STAG1: variants seen among roughly 807,000 people sequenced by gnomAD.
The protein encoded by STAG1 is STAG1 cohesin complex component.
Under a neutral mutation model 170.9 loss-of-function variants are expected in STAG1, and 26 were observed. That is an observed-to-expected ratio of 0.15 (90% CI 0.11 to 0.21). The LOEUF (loss-of-function observed/expected upper bound fraction) is 0.21, where lower values mean the gene tolerates loss of function less well. Among genes scored for constraint, STAG1 ranks in the 10% least tolerant of loss-of-function variants. The pLI is 1.00. For synonymous variants in STAG1, 514 were observed against 497.7 expected (o/e 1.03, Z -0.44); for missense variants, 964 against 1,509.5 (o/e 0.64, Z 5.99).
At chr3:136,676,373 T>C (rs1275465262) in intron 1 of STAG1, among the ~76,000 whole-genome samples, 1 of 152,164 alleles carries the variant, frequency 6.6e-6, no homozygotes, top group Non-Finnish European at 1.5e-5. Flanking sequence ...TTATGAACTT[T>C]TTACTTTTTA....
rs552740370 is a variant in STAG1, at chr3:136,395,851, C to G, written c.2277+2898G>C. ...AGCAATTGTGTAAAATCATTAAACC[C>G]TTCCTATCAAATTTTAATATATAAA... is the stretch of plus-strand genomic sequence containing the variant. On this transcript the variant is annotated intron_variant, in intron 22 of 33. Coordinates refer to ENST00000383202, the MANE Select transcript of STAG1 (RefSeq NM_005862.3). Among the ~76,000 whole-genome samples, 34 of 152,230 alleles carry G rather than the reference C, an allele frequency of 2.2e-4. No individual in the cohort carries two copies. In the South Asian group the frequency reaches 3.7e-3, roughly 17 times the overall value.
intron 22 of STAG1, among the ~76,000 whole-genome samples, chr3:136,387,802 C>G (rs1294349658): frequency 1.3e-5 from 2 of 152,190 alleles, no homozygotes; most frequent in Non-Finnish European, 2.9e-5. Context: ...ATCCAGGAAC[C>G]CTTAAGCTGC....
rs568614097 is a variant in STAG1 at position 136,682,508 on chromosome 3, C to G, written c.-83-51527G>C. Among the ~76,000 whole-genome samples, 3 of 149,508 alleles carry G rather than the reference C, an allele frequency of 2.0e-5. No homozygotes were observed. In the East Asian group the frequency reaches 5.8e-4, roughly 29 times the overall value. On this transcript the variant is annotated intron_variant, in intron 1 of 33. Transcript: ENST00000383202. ...GAGAAAGAGAACTAAATATGTCACA[C>G]GAAAAAAACACTTTTTATAACCAAT...
At chr3:136,342,061 C>T (rs901196718) in intron 30 of STAG1, among the ~76,000 whole-genome samples, 2 of 150,756 alleles carry the variant, frequency 1.3e-5, no homozygotes, top group Non-Finnish European at 2.9e-5. Context: ...GCTCTGTCAT[C>T]CAGGCTGGAG....
chr3:136,459,881 A>G (rs2089226497), intron 13 of STAG1, among the ~76,000 whole-genome samples: 2 of 152,270 alleles, frequency 1.3e-5, no homozygotes, highest in East Asian at 1.9e-4. Context: ...GTTTATACCA[A>G]TAAGTATCTA....
At chr3:136,611,273 C>G (rs980146547) in intron 3 of STAG1, among the ~76,000 whole-genome samples, 10 of 151,894 alleles carry the variant, frequency 6.6e-5, no homozygotes, top group Admixed American at 2.0e-4. Context: ...CCTCAGACTC[C>G]CAAGTAGCTG....
chr3:136,593,243 G>A (rs1048565996), intron 4 of STAG1, among the ~76,000 whole-genome samples: 3 of 152,176 alleles, frequency 2.0e-5, no homozygotes, highest in Non-Finnish European at 4.4e-5. Flanking sequence ...GTGGGACCAG[G>A]CTGGGACCCA....
At chr3:136,486,527 G>C (rs2090016058) in intron 9 of STAG1, among the ~76,000 whole-genome samples, 2 of 152,086 alleles carry the variant, frequency 1.3e-5, no homozygotes, top group South Asian at 4.2e-4. Context: ...TAGTATCTCT[G>C]CCGAGGATCC....
rs566526514 is a variant in STAG1 at position 136,460,070 on chromosome 3, A to G, written c.1313+4811T>C. On this transcript the variant is annotated intron_variant, in intron 13 of 33. Transcript: ENST00000383202. ...AATTAAGACTAAATACAAAAGACCA[A>G]TGAAACCACAATTGGTTTTTTAAAA... Among the ~76,000 whole-genome samples the G allele has an allele frequency of 2.0e-5, 3 of 152,302 alleles. No homozygotes were observed. In the South Asian group the frequency reaches 6.2e-4, roughly 32 times the overall value.
At chr3:136,739,893 T>C (rs1341014898) in intron 1 of STAG1, among the ~76,000 whole-genome samples, 1 of 152,062 alleles carries the variant, frequency 6.6e-6, no homozygotes, top group Non-Finnish European at 1.5e-5. Context: ...CACAGGATAC[T>C]GTGCCTTATA....
chr3:136,746,443 A>C (rs1444466773), intron 1 of STAG1, among the ~76,000 whole-genome samples: 2 of 151,920 alleles, frequency 1.3e-5, no homozygotes, highest in Non-Finnish European at 2.9e-5. Flanking sequence ...AAAAAAAAAA[A>C]CTCACAATGT....
intron 1 of STAG1, among the ~76,000 whole-genome samples, chr3:136,709,791 T>C (rs1212034021): frequency 6.6e-6 from 1 of 150,680 alleles, no homozygotes; most frequent in African/African-American, 2.5e-5. Flanking sequence ...TCCCAGCACT[T>C]TGGGAGGCCA....
intron 7 of STAG1, among the ~76,000 whole-genome samples, chr3:136,505,462 CTGT>C (rs1933709667): frequency 6.6e-6 from 1 of 152,090 alleles, no homozygotes; most frequent in Admixed American, 6.5e-5. Context: ...AATTTAATGC[CTGT>C]TGATTTTAAT....
intron 4 of STAG1, among the ~76,000 whole-genome samples, chr3:136,575,056 G>A (rs1158175862): frequency 6.6e-6 from 1 of 152,038 alleles, no homozygotes; most frequent in African/African-American, 2.4e-5. Flanking sequence ...TTGGTAATGA[G>A]AAAATTTTAA....
At chr3:136,524,747 CTTA>C (rs1553739685) in intron 6 of STAG1, among the ~76,000 whole-genome samples, 8 of 152,114 alleles carry the variant, frequency 5.3e-5, no homozygotes, top group Non-Finnish European at 1.2e-4. Flanking sequence ...ATAGATAGCT[CTTA>C]TTATTTTGAG....
intron 29 of STAG1, among the ~76,000 whole-genome samples, 158 bp from the exon 30 acceptor site, chr3:136,344,164 AACTTC>A (rs1157201102): frequency 6.6e-6 from 1 of 152,216 alleles, no homozygotes; most frequent in Non-Finnish European, 1.5e-5. Flanking sequence ...TAAGTCATTA[AACTTC>A]CAAAGTTGAG....
At chr3:136,398,407 C>G (rs746136387) in intron 22 of STAG1, among the ~76,000 whole-genome samples, 7 of 152,114 alleles carry the variant, frequency 4.6e-5, no homozygotes, top group African/African-American at 1.4e-4. Context: ...CGTAAGCCAC[C>G]GTGCACGGCC....
chr3:136,352,299 C>A (rs751181851), intron 28 of STAG1, among the ~76,000 whole-genome samples: 1 of 152,106 alleles, frequency 6.6e-6, no homozygotes, highest in Non-Finnish European at 1.5e-5. Flanking sequence ...GTAGCTGGGA[C>A]TACAGGCATG....
At chr3:136,705,803 T>C (rs1943211121) in intron 1 of STAG1, among the ~76,000 whole-genome samples, 1 of 152,182 alleles carries the variant, frequency 6.6e-6, no homozygotes, top group Non-Finnish European at 1.5e-5. Flanking sequence ...TTTGTCTTTA[T>C]TAGCAGTGTG....
Sources: gnomAD v4.1 joint callset for allele counts (sites outside exome capture counted in the v4.1 genomes callset) on GRCh38, gnomAD v4.1.1 for gene constraint, MANE v1.5 for transcripts, NCBI Gene and HGNC (gene_info 2026-07-23, HGNC 2026-07-21) for gene names.